Variants in ZNF337 observed in about 807,000 individuals in gnomAD.
ZNF337 encodes the protein zinc finger protein 337.
In ZNF337, 8 loss-of-function variants were observed where a neutral mutation model predicts 12.1. That is an observed-to-expected ratio of 0.66 (90% CI 0.39 to 1.19). The LOEUF (loss-of-function observed/expected upper bound fraction) is 1.19. Ranked by LOEUF, ZNF337 falls within the 50% of genes most tolerant of loss-of-function variation. The probability of loss-of-function intolerance (pLI) is 0.01; values close to 1 mark genes in which losing one functional copy is unlikely to be tolerated. For synonymous variants in ZNF337, 336 were observed against 320.0 expected (o/e 1.05, Z -0.53); for missense variants, 882 against 896.6 (o/e 0.98, Z 0.21).
Position 25,676,276 on chromosome 20 carries a change from G to C in ZNF337, c.1012C>G (p.His338Asp). Residue 338 changes from histidine (H) to aspartate (D), a missense_variant, in exon 5 of 5, where the codon CAC becomes GAC. Coordinates refer to ENST00000252979, the MANE Select transcript of ZNF337 (RefSeq NM_015655.4). ...GYTNKSYFVV[H>D]KRIHSGEKPY... ...TTCTCTCCTGAGTGTATTCTCTTGT[G>C]CACAACGAAGTATGACTTATTAGTA... 6.2e-7 allele frequency: 1 copy of C among 1,613,842 alleles called. No individual in the cohort carries two copies. Among genetic ancestry groups the C allele is most frequent in the Non-Finnish European group, 8.5e-7 (1 of 1,179,980 alleles).
At chr20:25,682,216 A>G (rs2065776778) in intron 4 of ZNF337, among the ~76,000 whole-genome samples, 1 of 152,200 alleles carries the variant, frequency 6.6e-6, no homozygotes, top group Non-Finnish European at 1.5e-5. Context: ...AATAGATTAT[A>G]ATACAGTAAC....
At position 25,675,188 on chromosome 20, in the gene ZNF337, G is replaced by C. The variant is rs992419298; in HGVS notation, c.2100C>G (p.Leu700=). The change falls in exon 5 of 5, where the codon CTC becomes CTG. Residue 700 remains leucine, a synonymous_variant. Transcript: ENST00000252979. ...CTGTGTGTATTCTTTCATGCACAGT[G>C]AGGTCTGACTTACTGGTATAGCCTC... ...CKRGYTSKSD[L]TVHERIHTGE... The C allele has an allele frequency of 2.5e-6, 4 of 1,614,126 alleles. No individual in the cohort carries two copies. The highest frequency in any genetic ancestry group is 2.5e-6 in the Non-Finnish European group (3 of 1,180,052).
chr20:25,686,544 C>T lies in ZNF337; in HGVS notation c.-49-78G>A, dbSNP rs367587646. ...TGTGACAGTTGGTGTGATTCCAATA[C>T]CAACTGGGGATCTGGGGAGGGCGCA... On this transcript the variant is annotated intron_variant, in intron 1 of 4. Coordinates refer to ENST00000252979, the MANE Select transcript of ZNF337 (RefSeq NM_015655.4). 8 of 1,129,418 alleles carry T rather than the reference C, an allele frequency of 7.1e-6. No homozygotes were observed. In the African/African-American group the frequency reaches 1.1e-4, roughly 15 times the overall value. 70.0% of individuals were successfully genotyped at this position (1,129,418 alleles called of 1,614,324 possible).
Position 25,686,111 on chromosome 20 carries a change from T to C in ZNF337, c.39A>G (p.Ala13=), listed in dbSNP as rs1342672866. 6.2e-7 allele frequency: 1 copy of C among 1,613,914 alleles called. No individual in the cohort carries two copies. Among genetic ancestry groups the C allele is most frequent in the Non-Finnish European group, 8.5e-7 (1 of 1,179,970 alleles). Residue 13 remains alanine (A), a synonymous_variant, in exon 3 of 5, where the codon GCA becomes GCG. Transcript: ENST00000252979. ...PQGARRQAFL[A]FGDVTVDFTQ... is the part of the protein sequence containing the mutation. ...TGAAATCCACAGTGACATCCCCAAA[T>C]GCCAAGAAAGCCTGTAACACAAAAC...
At chr20:25,685,326 A>G (rs2065817786) in intron 4 of ZNF337, among the ~76,000 whole-genome samples, 1 of 152,178 alleles carries the variant, frequency 6.6e-6, no homozygotes, top group African/African-American at 2.4e-5. Context: ...ACAAATGAGG[A>G]GATTGAGTGG....
intron 1 of ZNF337, among the ~76,000 whole-genome samples, chr20:25,695,782 C>T (rs1208308913): frequency 6.6e-6 from 1 of 152,124 alleles, no homozygotes; most frequent in Non-Finnish European, 1.5e-5. Flanking sequence ...AACTCCTGGC[C>T]TCCCAAAGTG....
Position 25,675,057 on chromosome 20 carries a change from C to T in ZNF337, c.2231G>A (p.Gly744Glu). 6.2e-7 allele frequency: 1 copy of T among 1,613,838 alleles called. No individual in the cohort carries two copies. The highest frequency in any genetic ancestry group is 1.1e-5 in the South Asian group (1 of 91,044). The change falls in exon 5 of 5, where the codon GGG (glycine) becomes GAG (glutamate). Residue 744 changes from glycine to glutamate, a missense_variant. Physicochemically the swap from Gly to Glu is moderately conservative, Grantham distance 98. Coordinates refer to ENST00000252979, the MANE Select transcript of ZNF337 (RefSeq NM_015655.4). ...RHLREKRFCT[G>E]SVGEASS ...TCAAGATGAAGCCTCACCCACACTC[C>T]CTGTACAAAAACGCTTCTCACGTAA...
chr20:25,686,372 C>T lies in ZNF337; in HGVS notation c.27+19G>A, dbSNP rs1251588130. The T allele has an allele frequency of 6.2e-7, 1 of 1,609,214 alleles. No individual in the cohort carries two copies. The highest frequency in any genetic ancestry group is 8.5e-7 in the Non-Finnish European group (1 of 1,175,636). On this transcript the variant is annotated intron_variant, in intron 2 of 4. Coordinates refer to ENST00000252979, the MANE Select transcript of ZNF337 (RefSeq NM_015655.4). The stretch of plus-strand genomic sequence containing the variant: ...GCCCATCCTGTGACAGCAAGAACGA[C>T]AGTTCTGGGAAGTCTCACCTGTCTC...
chr20:25,685,526 C>T (rs758197667), intron 4 of ZNF337, 41 bp downstream of exon 4: 19 of 1,547,898 alleles, frequency 1.2e-5, no homozygotes, highest in South Asian at 5.6e-5. Context: ...TCCTGAAAGG[C>T]GGAGTGCCTT....
chr20:25,676,958 A>G lies in ZNF337; in HGVS notation c.330T>C (p.Asp110=), dbSNP rs1201488442. ...CAGCTGTGTCACTCTGGAAGCTTTGATCAGAAAATTGTAGTTGCTGTTGCC... is the reference window on the plus strand; with the variant it reads ...CAGCTGTGTCACTCTGGAAGCTTTGGTCAGAAAATTGTAGTTGCTGTTGCC... ...HQRQQQLQFS[D]QSFQSDTAEG... is the part of the protein sequence containing the mutation. Residue 110 remains aspartate, a synonymous_variant, in exon 5 of 5, where the codon GAT becomes GAC. Coordinates refer to ENST00000252979, the MANE Select transcript of ZNF337 (RefSeq NM_015655.4). 4 of 1,613,962 alleles carry G rather than the reference A, an allele frequency of 2.5e-6. No homozygotes were observed. Among genetic ancestry groups the G allele is most frequent in the Non-Finnish European group, 3.4e-6 (4 of 1,180,032 alleles).
chr20:25,693,982 C>G (rs2065901223), intron 1 of ZNF337, among the ~76,000 whole-genome samples: 1 of 152,104 alleles, frequency 6.6e-6, no homozygotes, highest in African/African-American at 2.4e-5. Context: ...CCAAAGTCTT[C>G]CAGAGAAGAA....
chr20:25,692,910 C>CAA (rs1359751594), intron 1 of ZNF337, among the ~76,000 whole-genome samples: 2 of 152,106 alleles, frequency 1.3e-5, no homozygotes, highest in Non-Finnish European at 2.9e-5. Flanking sequence ...ATTTGATGAT[C>CAA]AAGACTTCAC....
rs777238288 is a variant in ZNF337, at chr20:25,676,417, G to C, written c.871C>G (p.Pro291Ala). 1.1e-5 allele frequency: 18 copies of C among 1,613,952 alleles called. No individual in the cohort carries two copies. Among genetic ancestry groups the C allele is most frequent in the African/African-American group, 8.0e-5 (6 of 74,884 alleles). The change falls in exon 5 of 5, where the codon CCT becomes GCT. Residue 291 changes from proline (P) to alanine (A), a missense_variant. Transcript: ENST00000252979. ...VHERTHTGEK[P>A]YECQECGRRF... ...CGCCCACACTCCTGGCATTCATAAG[G>C]CTTCTCTCCTGTGTGTGTTCTCTCA...
chr20:25,690,010 GCA>G (rs1301214825), intron 1 of ZNF337, among the ~76,000 whole-genome samples: 3 of 152,220 alleles, frequency 2.0e-5, no homozygotes, highest in Non-Finnish European at 2.9e-5. Context: ...AGCTGGCTGG[GCA>G]CAGTGGCTTA....
intron 3 of ZNF337, 75 bp downstream of exon 3, chr20:25,685,921 T>A: frequency 1.3e-6 from 2 of 1,543,350 alleles, no homozygotes; most frequent in Non-Finnish European, 1.7e-6. Context: ...AACATTCTTG[T>A]CTCTGAACCT....
Position 25,675,265 on chromosome 20 carries a change from G to T in ZNF337, c.2023C>A (p.His675Asn). The change falls in exon 5 of 5, where the codon CAC becomes AAC. Residue 675 changes from histidine to asparagine, a missense_variant. His to Asn is a moderately conservative substitution (Grantham distance 68). Transcript: ENST00000252979. ...TTCTCCTTTGAGTGTATCCGCCAGT[G>T]GTGTCTGGTGAGACTTCTCTTCCAG... ...FSWKRSLTRH[H>N]WRIHSKEKPF... 1 of 1,614,078 alleles carries T rather than the reference G, an allele frequency of 6.2e-7. No individual in the cohort carries two copies. Among genetic ancestry groups the T allele is most frequent in the Non-Finnish European group, 8.5e-7 (1 of 1,180,020 alleles).
chr20:25,686,571 C>A, intron 1 of ZNF337, 105 bp from the exon 2 acceptor site: 1 of 812,758 alleles, frequency 1.2e-6, no homozygotes, highest in East Asian at 2.7e-5. Context: ...GAGGGCGCAC[C>A]TGCACAATTC....
At chr20:25,683,188 A>G (rs1444518087) in intron 4 of ZNF337, among the ~76,000 whole-genome samples, 1 of 152,146 alleles carries the variant, frequency 6.6e-6, no homozygotes, top group Non-Finnish European at 1.5e-5. Context: ...ACTGTGAACT[A>G]AAACTGCTCC....
chr20:25,685,922 C>G, intron 3 of ZNF337, 74 bp downstream of exon 3: 1 of 1,548,220 alleles, frequency 6.5e-7, no homozygotes, highest in South Asian at 1.3e-5. Flanking sequence ...ACATTCTTGT[C>G]TCTGAACCTA....
Sources: gnomAD v4.1 joint callset for allele counts (sites outside exome capture counted in the v4.1 genomes callset) on GRCh38, gnomAD v4.1.1 for gene constraint, MANE v1.5 for transcripts, NCBI Gene and HGNC (gene_info 2026-07-23, HGNC 2026-07-21) for gene names.